The following AFAP1 variants were observed in gnomAD, a reference collection of about 807,000 sequenced individuals.
AFAP1 encodes the protein actin filament associated protein 1.
In AFAP1, 75 loss-of-function variants were observed where a neutral mutation model predicts 93.9. The ratio of observed to expected loss-of-function variants is 0.80; its 90% CI spans 0.66 to 0.97. AFAP1 has a LOEUF of 0.97. Ranked by LOEUF, AFAP1 falls within the 50% of genes least tolerant of loss-of-function variation. AFAP1 has a pLI of 0.00. For missense variants in AFAP1, 1,201 were observed against 1,050.8 expected (o/e 1.14, Z -1.98); for synonymous variants, 517 against 430.7 (o/e 1.20, Z -2.48).
chr4:7,790,157 T>C (rs1396924024), intron 11 of AFAP1, among the ~76,000 whole-genome samples: 2 of 152,206 alleles, frequency 1.3e-5, no homozygotes, highest in Non-Finnish European at 2.9e-5. Context: ...AGAATATTCA[T>C]CACACTGGCA....
At chr4:7,861,388 A>C (rs564222409) in intron 3 of AFAP1, among the ~76,000 whole-genome samples, 129 of 152,338 alleles carry the variant, frequency 8.5e-4, no homozygotes, top group African/African-American at 3.0e-3. Context: ...TTATAGTTTA[A>C]GCTGCGAAAA....
rs62289334 is a variant in AFAP1 at position 7,873,569 on chromosome 4, C to T, written c.-2-1489G>A. On this transcript the variant is annotated intron_variant, in intron 1 of 17. Coordinates refer to ENST00000420658, the MANE Select transcript of AFAP1 (RefSeq NM_001134647.2). ...TTCACCGTGTTAGCCAGGATAGTCTCGATCTCCTGACCTCGTGATCCACCC... is the reference window on the plus strand; with the variant it reads ...TTCACCGTGTTAGCCAGGATAGTCTTGATCTCCTGACCTCGTGATCCACCC... Among the ~76,000 whole-genome samples, 234 of 151,866 alleles carry T rather than the reference C, an allele frequency of 1.5e-3. 2 individuals are homozygous for T. Among genetic ancestry groups the T allele is most frequent in the African/African-American group, 5.4e-3 (222 of 41,436 alleles).
At chr4:7,843,696 T>G in intron 4 of AFAP1, 1 of 223,338 alleles carries the variant, frequency 4.5e-6, no homozygotes, top group Non-Finnish European at 9.0e-6. Context: ...TGTTCCGCCA[T>G]ACAGAACTCT....
chr4:7,906,390 G>A (rs1053360280), intron 1 of AFAP1, among the ~76,000 whole-genome samples: 4 of 152,176 alleles, frequency 2.6e-5, no homozygotes, highest in African/African-American at 9.7e-5. Flanking sequence ...ACAAACGTAT[G>A]AAATCATTCT....
Position 7,768,888 on chromosome 4 carries a change from G to T in AFAP1, c.2374C>A (p.Pro792Thr). 1 of 1,610,850 alleles carries T rather than the reference G, an allele frequency of 6.2e-7. No individual in the cohort carries two copies. Among genetic ancestry groups the T allele is most frequent in the South Asian group, 1.1e-5 (1 of 90,948 alleles). Reference sequence around the variant, plus strand: ...TGCCCTCGGCAGGGGGAGCTGCCCGGGGCAGCCTGGCTCTTCTTCAAGACG... The same window carrying T: ...TGCCCTCGGCAGGGGGAGCTGCCCGTGGCAGCCTGGCTCTTCTTCAAGACG... Reference protein sequence around the residue: ...AAVLKKSQAAPGSSPCRGHVL... With the variant: ...AAVLKKSQAATGSSPCRGHVL... Residue 792 changes from proline (P) to threonine (T), a missense_variant, in exon 17 of 18, where the codon CCG becomes ACG. Physicochemically the swap from Pro to Thr is conservative, Grantham distance 38. Transcript: ENST00000420658.
rs1260543181 is a variant in AFAP1 at position 7,761,913 on chromosome 4, T to G, written c.*1852A>C. The stretch of plus-strand genomic sequence containing the variant: ...CCCCGCCCGACCTGCCTGGATGTCC[T>G]AGTGGGAAGCTGGCGTCACGGATGC... On this transcript the variant is annotated 3_prime_UTR_variant, in exon 18 of 18. Coordinates refer to ENST00000420658, the MANE Select transcript of AFAP1 (RefSeq NM_001134647.2). The G allele has an allele frequency of 6.6e-6, 1 of 152,324 alleles. No homozygotes were observed. The highest frequency in any genetic ancestry group is 2.4e-5 in the African/African-American group (1 of 41,442). 9.4% of individuals were successfully genotyped at this position (152,324 alleles called of 1,614,324 possible).
At chr4:7,905,984 T>TG (rs1028556014) in intron 1 of AFAP1, among the ~76,000 whole-genome samples, 1 of 152,136 alleles carries the variant, frequency 6.6e-6, no homozygotes, top group African/African-American at 2.4e-5. Context: ...AGGGCCAGCC[T>TG]GGGGGCCTGC....
intron 1 of AFAP1, among the ~76,000 whole-genome samples, chr4:7,879,362 C>G (rs201731588): frequency 6.6e-6 from 1 of 152,080 alleles, no homozygotes; most frequent in East Asian, 1.9e-4. Context: ...TGCCCCAAGG[C>G]AGCAAGCTAA....
chr4:7,927,329 T>A (rs1720820015), intron 1 of AFAP1, among the ~76,000 whole-genome samples: 1 of 152,138 alleles, frequency 6.6e-6, no homozygotes, highest in African/African-American at 2.4e-5. Flanking sequence ...CAAACCTCAA[T>A]TCCAACAGCA....
chr4:7,782,177 A>G (rs1045979797), intron 12 of AFAP1, among the ~76,000 whole-genome samples: 3 of 152,210 alleles, frequency 2.0e-5, no homozygotes, highest in African/African-American at 7.2e-5. Flanking sequence ...ATCCGGGGAA[A>G]AAGGGGGAAA....
chr4:7,838,847 CACACACACACAT>C (rs1712638005), intron 5 of AFAP1, 144 bp from the exon 6 acceptor site: 2 of 746,278 alleles, frequency 2.7e-6, no homozygotes, highest in Non-Finnish European at 4.4e-6. Flanking sequence ...CACACACACA[CACACACACACAT>C]ACACACAGTG....
At chr4:7,928,314 T>C (rs1170977625) in intron 1 of AFAP1, among the ~76,000 whole-genome samples, 1 of 152,156 alleles carries the variant, frequency 6.6e-6, no homozygotes, top group Non-Finnish European at 1.5e-5. Context: ...AGTTCTCAAG[T>C]CATCTTTTTC....
intron 11 of AFAP1, among the ~76,000 whole-genome samples, chr4:7,789,795 T>C (rs534584376): frequency 1.6e-3 from 241 of 152,336 alleles, no homozygotes; most frequent in African/African-American, 5.3e-3. Flanking sequence ...AGCCCCTGCT[T>C]TCCGTTCTCT....
intron 12 of AFAP1, among the ~76,000 whole-genome samples, chr4:7,782,147 G>A (rs926332146): frequency 2.6e-5 from 4 of 152,218 alleles, no homozygotes; most frequent in Non-Finnish European, 5.9e-5. Flanking sequence ...CGTCCTGGAC[G>A]CTGACTTCGT....
rs557139553 is a variant in AFAP1 at position 7,786,036 on chromosome 4, A to C, written c.1530+158T>G. On this transcript the variant is annotated intron_variant, in intron 12 of 17. Coordinates refer to ENST00000420658, the MANE Select transcript of AFAP1 (RefSeq NM_001134647.2). The stretch of plus-strand genomic sequence containing the variant: ...TGCAGATTCAGATAAACAGCATGTC[A>C]GAAACCAGGAGAACAGAGATGAGAT... Among the ~76,000 whole-genome samples, 4 of 152,346 alleles carry C rather than the reference A, an allele frequency of 2.6e-5. 1 individual carries two copies. The South Asian group carries it at 6.2e-4, about 24-fold the overall frequency.
At chr4:7,873,788 C>G (rs1341482628) in intron 1 of AFAP1, among the ~76,000 whole-genome samples, 1 of 152,136 alleles carries the variant, frequency 6.6e-6, no homozygotes, top group Non-Finnish European at 1.5e-5. Context: ...CCACTTGTTG[C>G]ACACAGCACT....
chr4:7,802,076 C>A (rs1719100221), intron 9 of AFAP1, among the ~76,000 whole-genome samples: 1 of 151,540 alleles, frequency 6.6e-6, no homozygotes, highest in South Asian at 2.1e-4. Context: ...TGTTCAGGAC[C>A]CAGAATGATG....
intron 17 of AFAP1, among the ~76,000 whole-genome samples, chr4:7,764,278 C>T (rs376212971): frequency 4.6e-5 from 7 of 152,272 alleles, no homozygotes; most frequent in East Asian, 1.9e-4. Flanking sequence ...CAGTGGCTCA[C>T]GCCTGGAATC....
chr4:7,789,076 G>T, intron 11 of AFAP1: 1 of 152,686 alleles, frequency 6.5e-6, no homozygotes. Flanking sequence ...AGTGGAGGAG[G>T]CCTCAGCCAG....
Sources: allele counts gnomAD v4.1 joint callset (sites outside exome capture counted in the v4.1 genomes callset), GRCh38; gene constraint gnomAD v4.1.1; transcripts MANE v1.5; gene names NCBI Gene and HGNC (gene_info 2026-07-23, HGNC 2026-07-21).